DIAPH2: variants seen among roughly 807,000 people sequenced by gnomAD.
The protein encoded by DIAPH2 is protein diaphanous homolog 2.
In DIAPH2, 35 loss-of-function variants were observed where a neutral mutation model predicts 92.7. The ratio of observed to expected loss-of-function variants is 0.38; its 90% CI spans 0.29 to 0.50. DIAPH2 has a LOEUF of 0.50. Among genes scored for constraint, DIAPH2 ranks in the 20% least tolerant of loss-of-function variants. The pLI, the probability that DIAPH2 is intolerant of heterozygous loss-of-function variation, is 0.94. For missense variants in DIAPH2, 701 were observed against 819.5 expected (o/e 0.86, Z 1.77); for synonymous variants, 301 against 280.4 (o/e 1.07, Z -0.73).
At chrX:97,323,919 A>T (rs956140159) in intron 23 of DIAPH2, among the ~76,000 whole-genome samples, 25 of 109,553 alleles carry the variant, frequency 2.3e-4, no homozygotes, top group South Asian at 7.8e-4. Context: ...AAAAAAAAAA[A>T]AAAAAATAAG....
intron 23 of DIAPH2, among the ~76,000 whole-genome samples, chrX:97,275,296 A>C (rs1410701195): frequency 2.9e-5 from 2 of 68,478 alleles, no homozygotes; most frequent in South Asian, 1.1e-3. Flanking sequence ...CCCTCCCGGG[A>C]GGGGCGGCTG....
intron 24 of DIAPH2, among the ~76,000 whole-genome samples, chrX:97,370,506 CTG>C (rs1184588066): frequency 7.1e-5 from 8 of 112,059 alleles, no homozygotes; most frequent in African/African-American, 2.3e-4. Context: ...TGAGGTGTAA[CTG>C]TTTTTTAAAG....
chrX:96,985,522 G>A (rs773466686), intron 17 of DIAPH2, among the ~76,000 whole-genome samples: 1 of 109,260 alleles, frequency 9.2e-6, no homozygotes, highest in African/African-American at 3.4e-5. Flanking sequence ...TATATAAACA[G>A]ATATATTCCT....
At position 97,040,885 on chromosome X, in the gene DIAPH2, T is replaced by C. The variant is rs188455810; in HGVS notation, c.2051-32056T>C. 9.9e-3 allele frequency among the ~76,000 whole-genome samples: 1,100 copies of C among 110,864 alleles called. 10 individuals carry two copies. The highest frequency in any genetic ancestry group is 0.047 in the Middle Eastern group (10 of 214). ...TCTCAGAGTTCCCATATAATTTTCC[T>C]CTCCTTCAGAATTTCTCACATTATT... On this transcript the variant is annotated intron_variant, in intron 17 of 26. Transcript: ENST00000324765.
chrX:97,215,803 T>G (rs1956639227), intron 22 of DIAPH2, among the ~76,000 whole-genome samples: 1 of 112,141 alleles, frequency 8.9e-6, no homozygotes, highest in Admixed American at 9.5e-5. Flanking sequence ...AACATATCGT[T>G]CATACACTTA....
At chrX:96,733,689 A>C (rs1267265785) in intron 1 of DIAPH2, among the ~76,000 whole-genome samples, 1 of 111,911 alleles carries the variant, frequency 8.9e-6, no homozygotes, top group Non-Finnish European at 1.9e-5. Flanking sequence ...AGGTGGAAGC[A>C]AGGAGATAGA....
intron 23 of DIAPH2, among the ~76,000 whole-genome samples, chrX:97,313,479 C>T (rs750666213): frequency 7.1e-4 from 79 of 111,963 alleles, no homozygotes; most frequent in African/African-American, 2.4e-3. Context: ...TGTCTAAGCT[C>T]ATTTTCTTCA....
intron 20 of DIAPH2, among the ~76,000 whole-genome samples, chrX:97,105,895 A>T (rs897324032): frequency 8.9e-6 from 1 of 112,118 alleles, no homozygotes; most frequent in Non-Finnish European, 1.9e-5. Flanking sequence ...CGGACAGCAC[A>T]TTTAAATTTT....
At chrX:96,820,712 A>T (rs190996609) in intron 4 of DIAPH2, among the ~76,000 whole-genome samples, 1 of 112,155 alleles carries the variant, frequency 8.9e-6, no homozygotes, top group Non-Finnish European at 1.9e-5. Flanking sequence ...CAATGAACAA[A>T]ACAACAAAAC....
intron 25 of DIAPH2, among the ~76,000 whole-genome samples, chrX:97,426,289 C>CT (rs377271017): frequency 5.2e-3 from 520 of 100,331 alleles, no homozygotes; most frequent in African/African-American, 0.013. Flanking sequence ...ATTTCCCTGC[C>CT]TTTTTTTTTT....
intron 4 of DIAPH2, among the ~76,000 whole-genome samples, chrX:96,816,657 C>T (rs1242718564): frequency 8.9e-6 from 1 of 112,030 alleles, no homozygotes. Flanking sequence ...CTATGGAAAG[C>T]AGTTTGGATG....
At chrX:96,827,421 A>G (rs988468349) in intron 4 of DIAPH2, among the ~76,000 whole-genome samples, 12 of 111,903 alleles carry the variant, frequency 1.1e-4, no homozygotes, top group African/African-American at 3.9e-4. Context: ...AGAAAAAATT[A>G]TTATGTCTAT....
At chrX:97,497,064 G>T (rs2070764107) in intron 26 of DIAPH2, among the ~76,000 whole-genome samples, 1 of 110,730 alleles carries the variant, frequency 9.0e-6, no homozygotes, top group African/African-American at 3.3e-5. Flanking sequence ...TGACTTAACT[G>T]AATTCATTCA....
intron 11 of DIAPH2, among the ~76,000 whole-genome samples, chrX:96,938,729 A>AT (rs1007099155): frequency 3.6e-5 from 4 of 111,955 alleles, no homozygotes; most frequent in Non-Finnish European, 5.6e-5. Flanking sequence ...TCTACTTTCC[A>AT]TTTTTTATCA....
chrX:97,106,847 G>A (rs897862121), intron 20 of DIAPH2, among the ~76,000 whole-genome samples: 7 of 112,025 alleles, frequency 6.2e-5, no homozygotes, highest in African/African-American at 1.6e-4. Context: ...CAGGAGAATC[G>A]TTTGAACGTG....
At chrX:97,554,638 A>G (rs983052610) in intron 26 of DIAPH2, among the ~76,000 whole-genome samples, 1 of 111,983 alleles carries the variant, frequency 8.9e-6, no homozygotes, top group African/African-American at 3.2e-5. Flanking sequence ...TGGTTAGTAT[A>G]TGGACTACAG....
intron 17 of DIAPH2, among the ~76,000 whole-genome samples, chrX:96,967,395 T>TATTATTC (rs771061926): frequency 9.5e-6 from 1 of 105,759 alleles, no homozygotes; most frequent in Non-Finnish European, 2.0e-5. Context: ...TTTATTTATT[T>TATTATTC]ATTCATTCAT....
chrX:96,692,826 C>T (rs971013634), intron 1 of DIAPH2, among the ~76,000 whole-genome samples: 1 of 112,215 alleles, frequency 8.9e-6, no homozygotes, highest in East Asian at 2.8e-4. Context: ...TTGACATTCA[C>T]ACCCCACCAC....
chrX:96,876,872 C>T (rs1290622492), intron 4 of DIAPH2, among the ~76,000 whole-genome samples: 1 of 110,661 alleles, frequency 9.0e-6, no homozygotes, highest in African/African-American at 3.3e-5. Context: ...AACAAACCTG[C>T]ACGTTATGTA....
Sources: allele counts gnomAD v4.1 joint callset (sites outside exome capture counted in the v4.1 genomes callset), GRCh38; gene constraint gnomAD v4.1.1; transcripts MANE v1.5; gene names NCBI Gene and HGNC (gene_info 2026-07-23, HGNC 2026-07-21).